Variants in ACSS3 observed in about 807,000 individuals in gnomAD.
ACSS3 encodes acyl-CoA synthetase short chain family member 3.
Under a neutral mutation model 84.2 loss-of-function variants are expected in ACSS3, and 64 were observed. That is an observed-to-expected ratio of 0.76 (90% CI 0.62 to 0.94). The LOEUF is 0.94. Ranked by LOEUF, ACSS3 falls within the 40% of genes least tolerant of loss-of-function variation. The pLI is 0.00. For missense variants in ACSS3, 815 were observed against 867.6 expected, an observed-to-expected ratio of 0.94 and a Z score of 0.76; for synonymous variants, 317 against 310.1, an observed-to-expected ratio of 1.02 and a Z score of -0.23.
intron 2 of ACSS3, among the ~76,000 whole-genome samples, chr12:81,122,015 C>T (rs1285461588): frequency 6.6e-6 from 1 of 151,708 alleles, no homozygotes; most frequent in Non-Finnish European, 1.5e-5. Flanking sequence ...CTCACTGCAG[C>T]CTCCACCTCC....
chr12:81,082,842 A>T (rs1295461941), intron 1 of ACSS3, among the ~76,000 whole-genome samples: 1 of 152,222 alleles, frequency 6.6e-6, no homozygotes, highest in Non-Finnish European at 1.5e-5. Context: ...TCATGACGGT[A>T]TCTATTTCTA....
At chr12:81,079,626 C>T (rs145132224) in intron 1 of ACSS3, among the ~76,000 whole-genome samples, 4 of 152,260 alleles carry the variant, frequency 2.6e-5, no homozygotes, top group East Asian at 1.9e-4. Context: ...AGTATTTGAT[C>T]GGTCCTCTTT....
intron 5 of ACSS3, among the ~76,000 whole-genome samples, chr12:81,146,110 T>C (rs552725476): frequency 6.6e-6 from 1 of 152,328 alleles, no homozygotes; most frequent in East Asian, 1.9e-4. Context: ...TTTTTATTTA[T>C]TTACTTTTAT....
At chr12:81,213,932 C>CTTT (rs2032770220) in intron 9 of ACSS3, among the ~76,000 whole-genome samples, 2 of 76,642 alleles carry the variant, frequency 2.6e-5, no homozygotes, top group South Asian at 5.0e-4. Context: ...TTCCTTCCTT[C>CTTT]CTTTCTCTCT....
rs181288891 is a variant in ACSS3 at position 81,116,253 on chromosome 12, T to C, written c.456+6549T>C. On this transcript the variant is annotated intron_variant, in intron 2 of 15. Transcript: ENST00000548058. ...ACTTACTAAAATTTAGGTTAAATTT[T>C]GAGAGGACTTAATATAAAGAAGATA... Among the ~76,000 whole-genome samples, 18 of 152,212 alleles carry C rather than the reference T, an allele frequency of 1.2e-4. No individual in the cohort carries two copies. The East Asian group carries it at 3.3e-3, about 28-fold the overall frequency.
At chr12:81,148,896 C>CT (rs1294924499) in intron 5 of ACSS3, among the ~76,000 whole-genome samples, 2 of 46,480 alleles carry the variant, frequency 4.3e-5, no homozygotes, top group Non-Finnish European at 1.0e-4. Context: ...CCTGCCTCTA[C>CT]TAAAAAAAAA....
chr12:81,115,395 A>T (rs917035076), intron 2 of ACSS3, among the ~76,000 whole-genome samples: 2 of 151,198 alleles, frequency 1.3e-5, no homozygotes, highest in South Asian at 2.1e-4. Flanking sequence ...TTGTGATTTA[A>T]TTTTTTTTTC....
chr12:81,135,998 A>C (rs1885778817), intron 3 of ACSS3, among the ~76,000 whole-genome samples: 1 of 152,146 alleles, frequency 6.6e-6, no homozygotes, highest in Non-Finnish European at 1.5e-5. Flanking sequence ...ATATTTTATT[A>C]AGCTCCTGCT....
At chr12:81,093,081 G>A (rs780701231) in intron 1 of ACSS3, among the ~76,000 whole-genome samples, 8 of 152,142 alleles carry the variant, frequency 5.3e-5, no homozygotes, top group Non-Finnish European at 1.0e-4. Flanking sequence ...AATTATCAAG[G>A]GAGAGGTTTT....
chr12:81,082,205 T>G (rs1881024876), intron 1 of ACSS3, among the ~76,000 whole-genome samples: 1 of 152,222 alleles, frequency 6.6e-6, no homozygotes, highest in South Asian at 2.1e-4. Flanking sequence ...TTTTCGACCC[T>G]GGCCTCCTCT....
intron 7 of ACSS3, among the ~76,000 whole-genome samples, chr12:81,155,202 C>G (rs1250431003): frequency 6.6e-6 from 1 of 152,156 alleles, no homozygotes; most frequent in African/African-American, 2.4e-5. Context: ...TTTCTTCCAT[C>G]CTGACAGCTT....
At chr12:81,167,537 A>T (rs776956641) in intron 7 of ACSS3, among the ~76,000 whole-genome samples, 1 of 152,224 alleles carries the variant, frequency 6.6e-6, no homozygotes, top group Non-Finnish European at 1.5e-5. Flanking sequence ...TTGTTGCAAG[A>T]TGGTGCCTTG....
At chr12:81,078,978 T>C (rs1173458382) in intron 1 of ACSS3, among the ~76,000 whole-genome samples, 3 of 152,074 alleles carry the variant, frequency 2.0e-5, no homozygotes, top group Admixed American at 2.0e-4. Context: ...TGACTGCCAA[T>C]GATTGTGTTG....
chr12:81,242,077 C>T (rs1350365377), intron 13 of ACSS3, among the ~76,000 whole-genome samples: 4 of 152,166 alleles, frequency 2.6e-5, no homozygotes, highest in East Asian at 1.9e-4. Flanking sequence ...TTCCCAGCAC[C>T]ATTTATTAAA....
chr12:81,229,708 TA>T (rs2033390456), intron 11 of ACSS3, among the ~76,000 whole-genome samples: 1 of 151,932 alleles, frequency 6.6e-6, no homozygotes, highest in African/African-American at 2.4e-5. Context: ...ACAGATTAAT[TA>T]AAATACCCTT....
chr12:81,155,061 G>C lies in ACSS3; in HGVS notation c.1098+2965G>C, dbSNP rs114551843. 1.6e-3 allele frequency among the ~76,000 whole-genome samples: 251 copies of C among 152,242 alleles called. 2 individuals are homozygous for C. Among genetic ancestry groups the C allele is most frequent in the African/African-American group, 5.9e-3 (245 of 41,544 alleles). On this transcript the variant is annotated intron_variant, in intron 7 of 15. Coordinates refer to ENST00000548058, the MANE Select transcript of ACSS3 (RefSeq NM_024560.4). ...TGAGCTGGCCACACTATACTGAAATGATACATTTATGTCTAGAAGAGGGTA... is the reference window on the plus strand; with the variant it reads ...TGAGCTGGCCACACTATACTGAAATCATACATTTATGTCTAGAAGAGGGTA...
intron 2 of ACSS3, chr12:81,118,186 T>G (rs1884214779): frequency 6.6e-6 from 1 of 152,166 alleles, no homozygotes; most frequent in Admixed American, 6.5e-5. Flanking sequence ...TCCACTCAAA[T>G]TTTTAAATGT....
intron 13 of ACSS3, among the ~76,000 whole-genome samples, chr12:81,237,156 T>C (rs2033658526): frequency 6.6e-6 from 1 of 151,522 alleles, no homozygotes. Context: ...TTCTAACTCC[T>C]GGGAATTAAT....
intron 10 of ACSS3, among the ~76,000 whole-genome samples, chr12:81,219,225 C>T (rs1034394263): frequency 2.0e-5 from 3 of 152,110 alleles, no homozygotes; most frequent in African/African-American, 7.2e-5. Context: ...CGTGAACTCA[C>T]AATCTAGTTA....
Sources: allele counts gnomAD v4.1 joint callset (sites outside exome capture counted in the v4.1 genomes callset), GRCh38; gene constraint gnomAD v4.1.1; transcripts MANE v1.5; gene names NCBI Gene and HGNC (gene_info 2026-07-23, HGNC 2026-07-21).